AHI1: variants seen among roughly 807,000 people sequenced by gnomAD.
The protein encoded by AHI1 is Abelson helper integration site 1.
AHI1 carries 123 observed loss-of-function variants against 149.3 expected under a neutral mutation model. The ratio of observed to expected loss-of-function variants is 0.82; its 90% CI spans 0.71 to 0.96. The LOEUF (loss-of-function observed/expected upper bound fraction) is 0.96. AHI1 is among the 40% of genes least tolerant of loss of function. The pLI, the probability that AHI1 is intolerant of heterozygous loss-of-function variation, is 0.00. For synonymous variants in AHI1, 475 were observed against 459.8 expected (o/e 1.03, Z -0.42); for missense variants, 1,439 against 1,422.7 (o/e 1.01, Z -0.18).
intron 10 of AHI1, among the ~76,000 whole-genome samples, chr6:135,455,379 G>A (rs1359967473): frequency 3.9e-5 from 6 of 152,126 alleles, no homozygotes; most frequent in Admixed American, 1.3e-4. Context: ...TTCTTAGGGT[G>A]CCTGACATGG....
chr6:135,323,550 C>T (rs1001185734), intron 24 of AHI1, among the ~76,000 whole-genome samples: 1 of 152,164 alleles, frequency 6.6e-6, no homozygotes, highest in African/African-American at 2.4e-5. Context: ...ATTCAATACA[C>T]TAAGATTAGC....
At chr6:135,340,721 T>C (rs958209062) in intron 24 of AHI1, among the ~76,000 whole-genome samples, 13 of 144,668 alleles carry the variant, frequency 9.0e-5, no homozygotes, top group African/African-American at 3.2e-4. Context: ...TTCTTTTCTC[T>C]CCATCTAATT....
chr6:135,447,208 T>C, intron 12 of AHI1, 48 bp from the exon 13 acceptor site: 1 of 1,306,736 alleles, frequency 7.7e-7, no homozygotes. Context: ...GTTCACCTTT[T>C]TCTTTTTCTA....
At chr6:135,465,423 T>C (rs571789869) in intron 7 of AHI1, among the ~76,000 whole-genome samples, 1 of 152,286 alleles carries the variant, frequency 6.6e-6, no homozygotes, top group Non-Finnish European at 1.5e-5. Flanking sequence ...AAGTTATATT[T>C]ATATATCCAA....
chr6:135,469,194 G>A (rs1791304449), intron 5 of AHI1, among the ~76,000 whole-genome samples: 1 of 152,152 alleles, frequency 6.6e-6, no homozygotes, highest in Non-Finnish European at 1.5e-5. Context: ...GGGATGCAAG[G>A]CTGGTTCAAC....
intron 21 of AHI1, among the ~76,000 whole-genome samples, chr6:135,408,168 C>G (rs1324861373): frequency 1.3e-5 from 2 of 152,040 alleles, no homozygotes; most frequent in Non-Finnish European, 2.9e-5. Flanking sequence ...TTAGTTGATT[C>G]CAGGATGTTA....
At chr6:135,462,824 C>T (rs550056233) in intron 8 of AHI1, among the ~76,000 whole-genome samples, 1 of 152,010 alleles carries the variant, frequency 6.6e-6, no homozygotes, top group African/African-American at 2.4e-5. Flanking sequence ...TCGCTTTAAC[C>T]CGGGAGGTGG....
chr6:135,377,776 G>A (rs1357550218), intron 23 of AHI1, among the ~76,000 whole-genome samples: 2 of 151,948 alleles, frequency 1.3e-5, no homozygotes, highest in African/African-American at 4.8e-5. Flanking sequence ...AGCCCAGCCT[G>A]AGTTCTTATT....
chr6:135,301,999 CTTTT>C, intron 26 of AHI1: 1 of 983,330 alleles, frequency 1.0e-6, no homozygotes, highest in Non-Finnish European at 1.2e-6. Flanking sequence ...TTATTCTTTT[CTTTT>C]TTTTAAGAGA....
At chr6:135,345,234 TG>T (rs1186325141) in intron 24 of AHI1, among the ~76,000 whole-genome samples, 1 of 152,174 alleles carries the variant, frequency 6.6e-6, no homozygotes, top group African/African-American at 2.4e-5. Context: ...GATCGTAAAG[TG>T]GTTCAGTTGC....
At chr6:135,339,690 A>G (rs908286457) in intron 24 of AHI1, among the ~76,000 whole-genome samples, 4 of 152,212 alleles carry the variant, frequency 2.6e-5, no homozygotes, top group Admixed American at 2.0e-4. Context: ...GAATTATAGG[A>G]TGCCATCAAA....
At chr6:135,306,772 A>T (rs938437673) in intron 26 of AHI1, 1 of 152,092 alleles carries the variant, frequency 6.6e-6, no homozygotes, top group African/African-American at 2.4e-5. Flanking sequence ...CAAGTGAAAC[A>T]CTCCAAGTGC....
At chr6:135,343,549 C>G (rs1228962410) in intron 24 of AHI1, among the ~76,000 whole-genome samples, 2 of 150,248 alleles carry the variant, frequency 1.3e-5, no homozygotes, top group Non-Finnish European at 3.0e-5. Context: ...GTGTATGGAT[C>G]AATGCAAAAA....
intron 15 of AHI1, 61 bp from the exon 16 acceptor site, chr6:135,433,317 T>A: frequency 7.7e-7 from 1 of 1,297,092 alleles, no homozygotes; most frequent in Non-Finnish European, 1.1e-6. Flanking sequence ...TTTAACAGTT[T>A]TTCTAAGAAC....
At chr6:135,447,230 T>C in intron 12 of AHI1, 70 bp from the exon 13 acceptor site, 1 of 1,052,076 alleles carries the variant, frequency 9.5e-7, no homozygotes, top group Middle Eastern at 2.3e-4. Context: ...CATATAGTTT[T>C]TAAAATACTG....
At chr6:135,475,930 T>C (rs538190283) in intron 5 of AHI1, among the ~76,000 whole-genome samples, 1 of 152,330 alleles carries the variant, frequency 6.6e-6, no homozygotes, top group South Asian at 2.1e-4. Context: ...ATTACTCTTT[T>C]AAAAAATTAC....
intron 15 of AHI1, among the ~76,000 whole-genome samples, chr6:135,437,168 T>C (rs925620918): frequency 6.6e-6 from 1 of 152,218 alleles, no homozygotes; most frequent in African/African-American, 2.4e-5. Context: ...GATAGTCATC[T>C]AATGAAGTGG....
chr6:135,362,337 C>A (rs564264851), intron 23 of AHI1, among the ~76,000 whole-genome samples: 42 of 152,172 alleles, frequency 2.8e-4, no homozygotes, highest in African/African-American at 9.9e-4. Context: ...AAAAGCGCTA[C>A]TTTTCTTAGG....
At chr6:135,465,107 A>C (rs929798319) in intron 7 of AHI1, among the ~76,000 whole-genome samples, 1 of 152,190 alleles carries the variant, frequency 6.6e-6, no homozygotes, top group Non-Finnish European at 1.5e-5. Flanking sequence ...CTTTAGGGGA[A>C]ATTGATGCTG....
Sources: allele counts gnomAD v4.1 joint callset (sites outside exome capture counted in the v4.1 genomes callset), GRCh38; gene constraint gnomAD v4.1.1; transcripts MANE v1.5; gene names NCBI Gene and HGNC (gene_info 2026-07-23, HGNC 2026-07-21).